DPP6: variants seen among roughly 807,000 people sequenced by gnomAD.
DPP6 encodes dipeptidyl peptidase like 6, also known as A-type potassium channel modulatory protein DPP6.
DPP6 carries 69 observed loss-of-function variants against 122.6 expected under a neutral mutation model. The observed-to-expected ratio is 0.56, with a 90% CI of 0.46 to 0.69. The LOEUF (loss-of-function observed/expected upper bound fraction) is 0.69. DPP6 is among the 30% of genes least tolerant of loss of function. DPP6 has a pLI of 0.00. For synonymous variants in DPP6, 418 were observed against 433.1 expected (o/e 0.97, Z 0.43); for missense variants, 928 against 1,116.9 (o/e 0.83, Z 2.41).
chr7:154,873,981 CAT>C (rs1804628703), intron 19 of DPP6, among the ~76,000 whole-genome samples: 1 of 151,518 alleles, frequency 6.6e-6, no homozygotes, highest in Non-Finnish European at 1.5e-5. Context: ...TAAGCACACA[CAT>C]GCATACCCAC....
intron 1 of DPP6, among the ~76,000 whole-genome samples, chr7:153,982,061 C>T (rs1796616516): frequency 6.6e-6 from 1 of 152,114 alleles, no homozygotes. Flanking sequence ...GTGGTGTTCT[C>T]TGTATTTCCT....
chr7:153,793,712 C>T, the DPP6 span, among the ~76,000 whole-genome samples: 3 of 150,270 alleles, frequency 2.0e-5, no homozygotes, highest in East Asian at 5.8e-4. Context: ...CATCACAGGT[C>T]CAGAGGCCTA....
At chr7:154,305,408 T>C (rs934995523) in intron 1 of DPP6, 1 of 1,157,478 alleles carries the variant, frequency 8.6e-7, no homozygotes, top group Non-Finnish European at 1.1e-6. Context: ...ATCACACTCC[T>C]CCTTACCTTA....
chr7:153,887,489 T>C (rs1798981636), exon 1 of DPP6: 5 of 548,104 alleles, frequency 9.1e-6, no homozygotes, highest in Admixed American at 2.9e-5. Context: ...TTGATTGCTA[T>C]TGGGATCCGC....
At chr7:153,940,566 C>A (rs1033905308) in intron 1 of DPP6, among the ~76,000 whole-genome samples, 2 of 152,140 alleles carry the variant, frequency 1.3e-5, no homozygotes, top group Non-Finnish European at 2.9e-5. Context: ...TCATGACACA[C>A]AGAAACGGGG....
intron 1 of DPP6, among the ~76,000 whole-genome samples, chr7:154,372,494 C>G (rs1435177334): frequency 6.6e-6 from 1 of 152,188 alleles, no homozygotes; most frequent in Non-Finnish European, 1.5e-5. Context: ...GCCCAGCTCC[C>G]AGACTGGGGT....
chr7:154,611,934 A>G lies in DPP6; in HGVS notation c.628-25887A>G, dbSNP rs549409494. Among the ~76,000 whole-genome samples, 49 of 152,206 alleles carry G rather than the reference A, an allele frequency of 3.2e-4. 1 individual carries two copies. Among genetic ancestry groups the G allele is most frequent in the Non-Finnish European group, 6.0e-4 (41 of 68,014 alleles). ...CTTATTATATGTGTAGGTTTGTGTAATAGCACCTGCTGTGGTTTGAATGTG... is the reference window on the plus strand; with the variant it reads ...CTTATTATATGTGTAGGTTTGTGTAGTAGCACCTGCTGTGGTTTGAATGTG... On this transcript the variant is annotated intron_variant, in intron 5 of 25. Transcript: ENST00000377770.
At chr7:154,173,880 G>A (rs1330658264) in intron 1 of DPP6, among the ~76,000 whole-genome samples, 1 of 152,170 alleles carries the variant, frequency 6.6e-6, no homozygotes, top group Non-Finnish European at 1.5e-5. Flanking sequence ...CCTCTGACGG[G>A]CGGGACCCTG....
chr7:153,765,567 A>T, the DPP6 span, among the ~76,000 whole-genome samples: 2 of 152,056 alleles, frequency 1.3e-5, no homozygotes, highest in African/African-American at 2.4e-5. Flanking sequence ...AAAAACAGAA[A>T]AAAACACCTA....
intron 7 of DPP6, among the ~76,000 whole-genome samples, chr7:154,698,430 G>A (rs766093931): frequency 2.6e-5 from 4 of 152,032 alleles, no homozygotes; most frequent in Non-Finnish European, 4.4e-5. Context: ...GCGAATTGTC[G>A]TCCGTATGCC....
chr7:153,846,283 T>A, the DPP6 span, among the ~76,000 whole-genome samples: 1 of 152,222 alleles, frequency 6.6e-6, no homozygotes, highest in African/African-American at 2.4e-5. Context: ...GAAGTGTCTG[T>A]TCAAGTTCTT....
At chr7:154,602,955 G>C (rs1833461107) in intron 5 of DPP6, among the ~76,000 whole-genome samples, 1 of 106,888 alleles carries the variant, frequency 9.4e-6, no homozygotes, top group Admixed American at 1.2e-4. Context: ...CTCAACTTTT[G>C]TTTATCTGAA....
At chr7:153,992,098 G>A (rs984228826) in intron 1 of DPP6, among the ~76,000 whole-genome samples, 1 of 151,818 alleles carries the variant, frequency 6.6e-6, no homozygotes, top group Admixed American at 6.6e-5. Flanking sequence ...CTCATGATTT[G>A]AACACCTCCC....
intron 10 of DPP6, among the ~76,000 whole-genome samples, chr7:154,773,953 C>T (rs192422283): frequency 1.3e-3 from 193 of 152,294 alleles, no homozygotes; most frequent in African/African-American, 4.5e-3. Context: ...TGAGCTCCTG[C>T]ACAGAAGCCC....
Position 154,642,676 on chromosome 7 carries a change from C to T in DPP6, c.680+4803C>T, listed in dbSNP as rs190344585. On this transcript the variant is annotated intron_variant, in intron 6 of 25. Coordinates refer to ENST00000377770, the MANE Select transcript of DPP6 (RefSeq NM_130797.4). ...TGGAATGGCTGGGTGTGGTGGCTCA[C>T]GCCTGTAATCCCAGCACTGTGGGAG... Among the ~76,000 whole-genome samples the T allele has an allele frequency of 2.0e-3, 307 of 150,218 alleles. 2 individuals are homozygous for T. The highest frequency in any genetic ancestry group is 2.9e-3 in the Non-Finnish European group (195 of 67,544).
intron 16 of DPP6, among the ~76,000 whole-genome samples, chr7:154,844,271 C>T (rs1016717124): frequency 6.6e-6 from 1 of 152,208 alleles, no homozygotes; most frequent in Non-Finnish European, 1.5e-5. Flanking sequence ...GTGGTAAAAA[C>T]CCCTCATAGG....
At chr7:154,239,789 A>G (rs1297867785) in intron 1 of DPP6, among the ~76,000 whole-genome samples, 1 of 149,754 alleles carries the variant, frequency 6.7e-6, no homozygotes, top group Non-Finnish European at 1.5e-5. Context: ...CCTGGCCAAC[A>G]TGGTAAAATC....
At chr7:154,136,128 A>G (rs888843109) in intron 1 of DPP6, among the ~76,000 whole-genome samples, 8 of 151,888 alleles carry the variant, frequency 5.3e-5, no homozygotes, top group East Asian at 1.9e-4. Flanking sequence ...CAGTTCATCC[A>G]TAGATTTCTT....
the DPP6 span, among the ~76,000 whole-genome samples, chr7:153,782,587 A>G: frequency 2.0e-5 from 3 of 152,162 alleles, no homozygotes; most frequent in Non-Finnish European, 4.4e-5. Flanking sequence ...TTTTCAACAA[A>G]ATAGTTCTAA....
Sources: gnomAD v4.1 joint callset for allele counts (sites outside exome capture counted in the v4.1 genomes callset) on GRCh38, gnomAD v4.1.1 for gene constraint, MANE v1.5 for transcripts, NCBI Gene and HGNC (gene_info 2026-07-23, HGNC 2026-07-21) for gene names.